ZBTB20: variants seen among roughly 807,000 people sequenced by gnomAD.
ZBTB20 encodes the protein zinc finger and BTB domain containing 20.
In ZBTB20, 9 loss-of-function variants were observed where a neutral mutation model predicts 56.9. The ratio of observed to expected loss-of-function variants is 0.16; its 90% CI spans 0.10 to 0.28. The LOEUF (loss-of-function observed/expected upper bound fraction) is 0.28, where lower values mean the gene tolerates loss of function less well. Ranked by LOEUF, ZBTB20 falls within the 10% of genes least tolerant of loss-of-function variation. ZBTB20 has a pLI of 1.00. For synonymous variants in ZBTB20, 417 were observed against 420.7 expected (o/e 0.99, Z 0.11); for missense variants, 655 against 1,003.0 (o/e 0.65, Z 4.69).
chr3:114,553,150 TAA>T (rs1245715897), intron 6 of ZBTB20, among the ~76,000 whole-genome samples: 1 of 152,170 alleles, frequency 6.6e-6, no homozygotes, highest in African/African-American at 2.4e-5. Flanking sequence ...GACTTCATGA[TAA>T]GACTTCCACA....
At chr3:115,064,261 T>C (rs1192803955) in intron 2 of ZBTB20, among the ~76,000 whole-genome samples, 1 of 152,078 alleles carries the variant, frequency 6.6e-6, no homozygotes, top group Admixed American at 6.6e-5. Context: ...ATCTTGGTCT[T>C]TTCTCCTCAG....
At chr3:114,726,522 T>C (rs2065292363) in intron 5 of ZBTB20, among the ~76,000 whole-genome samples, 1 of 152,204 alleles carries the variant, frequency 6.6e-6, no homozygotes, top group African/African-American at 2.4e-5. Flanking sequence ...AAGTTTCTTA[T>C]TCAGTAGGGG....
chr3:114,752,699 T>C (rs1214751314), intron 5 of ZBTB20, among the ~76,000 whole-genome samples: 1 of 152,218 alleles, frequency 6.6e-6, no homozygotes, highest in East Asian at 1.9e-4. Flanking sequence ...ACATAACTCC[T>C]GCTGGGAAGC....
intron 4 of ZBTB20, among the ~76,000 whole-genome samples, chr3:114,848,475 A>C (rs1223315505): frequency 6.6e-6 from 1 of 152,314 alleles, no homozygotes; most frequent in East Asian, 1.9e-4. Context: ...CTGTGCCCCC[A>C]ACAGACATGG....
In ZBTB20 at chr3:114,769,139, G is replaced by A. The variant is rs574800557; in HGVS notation, c.-343+31962C>T. 8.5e-5 allele frequency among the ~76,000 whole-genome samples: 13 copies of A among 152,226 alleles called. No individual in the cohort carries two copies. In the East Asian group the frequency reaches 1.4e-3, roughly 16 times the overall value. ...TATGGATGATGTTTGCATGTAGTACGTGTCCATGTGTGGGGACTAGTGTAC... is the reference window on the plus strand; with the variant it reads ...TATGGATGATGTTTGCATGTAGTACATGTCCATGTGTGGGGACTAGTGTAC... On this transcript the variant is annotated intron_variant, in intron 5 of 11. Coordinates refer to ENST00000675478, the MANE Select transcript of ZBTB20 (RefSeq NM_001348800.3).
chr3:114,901,831 A>T (rs1212949788), intron 3 of ZBTB20, among the ~76,000 whole-genome samples: 2 of 152,164 alleles, frequency 1.3e-5, no homozygotes, highest in African/African-American at 4.8e-5. Flanking sequence ...AAGAAAAAAC[A>T]AAGAACAAAA....
At chr3:115,130,170 C>G (rs187048097) in intron 1 of ZBTB20, among the ~76,000 whole-genome samples, 7 of 152,158 alleles carry the variant, frequency 4.6e-5, no homozygotes, top group Non-Finnish European at 1.0e-4. Flanking sequence ...AAGTGATTTG[C>G]CTATAATCAT....
chr3:115,032,800 A>T (rs1267302071), intron 2 of ZBTB20, among the ~76,000 whole-genome samples: 1 of 151,446 alleles, frequency 6.6e-6, no homozygotes, highest in African/African-American at 2.4e-5. Flanking sequence ...AAGAGAAATT[A>T]GAAAACACCC....
chr3:114,854,041 G>A (rs2107440010), intron 4 of ZBTB20, among the ~76,000 whole-genome samples: 1 of 152,182 alleles, frequency 6.6e-6, no homozygotes, highest in South Asian at 2.1e-4. Context: ...GACTTGATAT[G>A]GTAGAAATGT....
At chr3:114,979,221 A>G (rs2078232959) in intron 2 of ZBTB20, among the ~76,000 whole-genome samples, 1 of 152,036 alleles carries the variant, frequency 6.6e-6, no homozygotes, top group African/African-American at 2.4e-5. Context: ...TTATACTGTG[A>G]ACATACTTTT....
intron 7 of ZBTB20, among the ~76,000 whole-genome samples, chr3:114,457,592 T>A (rs546537154): frequency 6.6e-6 from 1 of 152,302 alleles, no homozygotes; most frequent in South Asian, 2.1e-4. Flanking sequence ...TTCCCAGATT[T>A]TACTATATTT....
intron 4 of ZBTB20, among the ~76,000 whole-genome samples, chr3:114,884,550 A>C (rs897766911): frequency 6.6e-6 from 1 of 152,180 alleles, no homozygotes; most frequent in Non-Finnish European, 1.5e-5. Flanking sequence ...AATTCAATCA[A>C]AGATCATCAG....
chr3:114,351,763 G>A lies in ZBTB20; in HGVS notation c.315C>T (p.Asp105=), dbSNP rs754960078. The A allele has an allele frequency of 6.6e-5, 107 of 1,613,686 alleles. No individual in the cohort carries two copies. The highest frequency in any genetic ancestry group is 8.3e-5 in the Non-Finnish European group (98 of 1,179,750). ...TGCTCCCGTGGATGCGCACCGTTAC[G>A]TCACAGAAGTGGCCACGGTTGCGCT... The part of the protein sequence containing the change: ...NEQRNRGHFC[D]VTVRIHGSML... Residue 105 remains aspartate, a synonymous_variant, in exon 11 of 12, where the codon GAC becomes GAT. Transcript: ENST00000675478.
chr3:114,870,078 A>C (rs1324334702), intron 4 of ZBTB20, among the ~76,000 whole-genome samples: 4 of 152,160 alleles, frequency 2.6e-5, no homozygotes, highest in African/African-American at 4.8e-5. Flanking sequence ...CACAGAGAAT[A>C]ATCTCATGAT....
intron 1 of ZBTB20, among the ~76,000 whole-genome samples, chr3:115,074,875 T>G (rs1234214281): frequency 6.6e-6 from 1 of 152,148 alleles, no homozygotes; most frequent in Non-Finnish European, 1.5e-5. Flanking sequence ...TTTACTCACC[T>G]CTACCTTTTT....
intron 11 of ZBTB20, among the ~76,000 whole-genome samples, chr3:114,345,298 C>T (rs1054402413): frequency 5.3e-5 from 8 of 151,942 alleles, no homozygotes; most frequent in South Asian, 4.2e-4. Context: ...TGTGTGTTTC[C>T]GCTCTCACAG....
intron 3 of ZBTB20, among the ~76,000 whole-genome samples, chr3:114,936,280 A>T (rs374246030): frequency 1.3e-5 from 2 of 152,360 alleles, no homozygotes; most frequent in East Asian, 3.9e-4. Context: ...ATGCACGCAC[A>T]CATGCATGCG....
At chr3:114,398,000 A>C (rs2086479975) in intron 7 of ZBTB20, among the ~76,000 whole-genome samples, 1 of 152,122 alleles carries the variant, frequency 6.6e-6, no homozygotes, top group Non-Finnish European at 1.5e-5. Context: ...GTTAACTTAT[A>C]GGGTGTCAGA....
chr3:114,935,313 C>A (rs945221311), intron 3 of ZBTB20, among the ~76,000 whole-genome samples: 1 of 152,154 alleles, frequency 6.6e-6, no homozygotes, highest in South Asian at 2.1e-4. Context: ...CCCTTCCCCA[C>A]CATGTTACCT....
Sources: gnomAD v4.1 joint callset for allele counts (sites outside exome capture counted in the v4.1 genomes callset) on GRCh38, gnomAD v4.1.1 for gene constraint, MANE v1.5 for transcripts, NCBI Gene and HGNC (gene_info 2026-07-23, HGNC 2026-07-21) for gene names.